Variants in BRINP1 observed in about 807,000 individuals in gnomAD.
BRINP1 encodes BMP/retinoic acid-inducible neural-specific protein 1.
BRINP1 carries 17 observed loss-of-function variants against 72.9 expected under a neutral mutation model. The ratio of observed to expected loss-of-function variants is 0.23; its 90% CI spans 0.16 to 0.35. The LOEUF (loss-of-function observed/expected upper bound fraction) is 0.35, where lower values mean the gene tolerates loss of function less well. Ranked by LOEUF, BRINP1 falls within the 10% of genes least tolerant of loss-of-function variation. BRINP1 has a pLI of 1.00. For missense variants in BRINP1, 850 were observed against 1,001.6 expected, an observed-to-expected ratio of 0.85 and a Z score of 2.04; for synonymous variants, 418 against 378.5, an observed-to-expected ratio of 1.10 and a Z score of -1.21.
intron 3 of BRINP1, among the ~76,000 whole-genome samples, chr9:119,242,839 C>T (rs1404854758): frequency 6.6e-6 from 1 of 152,162 alleles, no homozygotes; most frequent in Non-Finnish European, 1.5e-5. Context: ...TAGACATGCA[C>T]ACATAGATCA....
At chr9:119,229,228 C>G (rs1830124168) in intron 5 of BRINP1, among the ~76,000 whole-genome samples, 1 of 152,032 alleles carries the variant, frequency 6.6e-6, no homozygotes, top group South Asian at 2.1e-4. Context: ...ATTGGCCAAG[C>G]ACATATGCCA....
chr9:119,193,429 T>A (rs1054910734), intron 7 of BRINP1, among the ~76,000 whole-genome samples: 1 of 152,090 alleles, frequency 6.6e-6, no homozygotes, highest in Non-Finnish European at 1.5e-5. Flanking sequence ...TTACTCTGCT[T>A]GTAGGGAGAG....
rs575418784 is a variant in BRINP1, at chr9:119,234,590, T to C, written c.685+4065A>G. Among the ~76,000 whole-genome samples the C allele has an allele frequency of 3.0e-4, 45 of 152,326 alleles. 1 individual carries two copies. The South Asian group carries it at 7.9e-3, about 27-fold the overall frequency. Reference sequence around the variant, plus strand: ...CACTCTATGGCTCATATTCTTATAATATTAATAGTATTTTGATGAACATAA... The same window carrying C: ...CACTCTATGGCTCATATTCTTATAACATTAATAGTATTTTGATGAACATAA... On this transcript the variant is annotated intron_variant, in intron 5 of 7. Coordinates refer to ENST00000265922, the MANE Select transcript of BRINP1 (RefSeq NM_014618.3).
At chr9:119,283,240 T>TCAGCTGCC (rs61027985) in intron 2 of BRINP1, 226,924 of 938,836 alleles carry the variant, frequency 0.24, 29,248 homozygotes, top group South Asian at 0.29. Flanking sequence ...GAACTGCAGC[T>TCAGCTGCC]TCAGCTGCCT....
intron 6 of BRINP1, among the ~76,000 whole-genome samples, chr9:119,209,890 A>G (rs1829904485): frequency 6.6e-6 from 1 of 152,210 alleles, no homozygotes; most frequent in Admixed American, 6.5e-5. Flanking sequence ...TTGAAGTTGT[A>G]TGGGTGTCCC....
At chr9:119,340,163 C>T (rs1405528619) in intron 1 of BRINP1, among the ~76,000 whole-genome samples, 1 of 152,066 alleles carries the variant, frequency 6.6e-6, no homozygotes, top group Admixed American at 6.5e-5. Context: ...CCACCTACCC[C>T]CAAGGCACAG....
At chr9:119,218,135 GC>G (rs1190199275) in intron 5 of BRINP1, among the ~76,000 whole-genome samples, 7 of 151,756 alleles carry the variant, frequency 4.6e-5, no homozygotes, top group Admixed American at 4.6e-4. Context: ...CCCTCTAAGG[GC>G]CCCCAGAGTA....
At chr9:119,222,623 C>G (rs1449461291) in intron 5 of BRINP1, among the ~76,000 whole-genome samples, 1 of 151,948 alleles carries the variant, frequency 6.6e-6, no homozygotes, top group African/African-American at 2.4e-5. Flanking sequence ...AGACAAGGAA[C>G]TAGGAAAGGC....
intron 1 of BRINP1, among the ~76,000 whole-genome samples, chr9:119,341,078 C>T (rs1831401002): frequency 6.6e-6 from 1 of 152,144 alleles, no homozygotes; most frequent in East Asian, 1.9e-4. Context: ...AGTCTAGACT[C>T]ATGCCTTTCA....
chr9:119,265,628 CA>C (rs1216905069), intron 2 of BRINP1, among the ~76,000 whole-genome samples: 1 of 151,936 alleles, frequency 6.6e-6, no homozygotes, highest in African/African-American at 2.4e-5. Context: ...AACAAACAAA[CA>C]AAAAATCAGT....
intron 5 of BRINP1, among the ~76,000 whole-genome samples, chr9:119,236,484 T>C (rs79736980): frequency 1.6e-4 from 25 of 152,326 alleles, no homozygotes; most frequent in African/African-American, 5.8e-4. Context: ...TTCATTGGCT[T>C]CAGGTAAATC....
chr9:119,237,811 A>G (rs942806909), intron 5 of BRINP1, among the ~76,000 whole-genome samples: 1 of 151,344 alleles, frequency 6.6e-6, no homozygotes, highest in Non-Finnish European at 1.5e-5. Flanking sequence ...ATAGGCGCAC[A>G]CCACCGCGCC....
chr9:119,258,444 G>A (rs955034594), intron 2 of BRINP1, among the ~76,000 whole-genome samples: 2 of 152,186 alleles, frequency 1.3e-5, no homozygotes, highest in African/African-American at 4.8e-5. Context: ...GGGAAAGGAA[G>A]CTTAGAATGC....
intron 7 of BRINP1, among the ~76,000 whole-genome samples, chr9:119,171,335 G>C (rs1206611153): frequency 3.2e-5 from 4 of 126,952 alleles, no homozygotes; most frequent in African/African-American, 1.3e-4. Flanking sequence ...TGCAATCCTA[G>C]TCTCTGATAA....
intron 1 of BRINP1, among the ~76,000 whole-genome samples, chr9:119,337,168 A>G (rs1232420224): frequency 6.6e-6 from 1 of 152,226 alleles, no homozygotes; most frequent in East Asian, 1.9e-4. Context: ...AACAGCCCCT[A>G]ACATTGATTC....
chr9:119,321,859 A>C (rs1439629468), intron 1 of BRINP1, among the ~76,000 whole-genome samples: 1 of 152,226 alleles, frequency 6.6e-6, no homozygotes, highest in Non-Finnish European at 1.5e-5. Context: ...GGCTGCTAGA[A>C]ACTTTAAAAT....
intron 4 of BRINP1, among the ~76,000 whole-genome samples, chr9:119,241,691 C>T (rs773145301): frequency 6.6e-6 from 1 of 152,126 alleles, no homozygotes; most frequent in Non-Finnish European, 1.5e-5. Context: ...CTAATCGCTG[C>T]TATCTCTGAG....
intron 7 of BRINP1, among the ~76,000 whole-genome samples, chr9:119,181,045 CA>C (rs1335420447): frequency 6.6e-6 from 1 of 152,158 alleles, no homozygotes; most frequent in East Asian, 1.9e-4. Context: ...AGGTGACAGG[CA>C]ACATCAGCTG....
rs542479138 is a variant in BRINP1 at position 119,335,285 on chromosome 9, C to G, written c.-50-21880G>C. On this transcript the variant is annotated intron_variant, in intron 1 of 7. Transcript: ENST00000265922. The stretch of plus-strand genomic sequence containing the variant: ...GGAGTCAGGAGGCCTGAGCTCAGGG[C>G]CCAGCTAGGTTTCTAATTCATCATG... Among the ~76,000 whole-genome samples, 5 of 152,222 alleles carry G rather than the reference C, an allele frequency of 3.3e-5. No homozygotes were observed. In the East Asian group the frequency reaches 7.7e-4, roughly 24 times the overall value.
Sources: allele counts gnomAD v4.1 joint callset (sites outside exome capture counted in the v4.1 genomes callset), GRCh38; gene constraint gnomAD v4.1.1; transcripts MANE v1.5; gene names NCBI Gene and HGNC (gene_info 2026-07-23, HGNC 2026-07-21).